Variants in ATP2C1 observed in about 807,000 individuals in gnomAD.
ATP2C1 encodes calcium-transporting ATPase type 2C member 1.
A neutral mutation model predicts 120.5 loss-of-function variants in ATP2C1; 31 were observed. The observed-to-expected ratio is 0.26, with a 90% CI of 0.19 to 0.35. The LOEUF (loss-of-function observed/expected upper bound fraction) is 0.35, where lower values mean the gene tolerates loss of function less well. Ranked by LOEUF, ATP2C1 falls within the 10% of genes least tolerant of loss-of-function variation. The pLI is 1.00. For missense variants in ATP2C1, 731 were observed against 1,107.5 expected, an observed-to-expected ratio of 0.66 and a Z score of 4.83; for synonymous variants, 351 against 358.7, an observed-to-expected ratio of 0.98 and a Z score of 0.24.
intron 1 of ATP2C1, among the ~76,000 whole-genome samples, chr3:130,874,251 T>A (rs1315196595): frequency 2.0e-5 from 3 of 152,202 alleles, no homozygotes; most frequent in East Asian, 3.8e-4. Context: ...TTAAAATATT[T>A]CTAATGAGTG....
intron 1 of ATP2C1, among the ~76,000 whole-genome samples, chr3:130,864,457 T>C (rs543093265): frequency 2.6e-4 from 40 of 152,286 alleles, no homozygotes; most frequent in African/African-American, 9.6e-4. Context: ...TGGGAAGAAA[T>C]TCAAGTTGGC....
intron 3 of ATP2C1, among the ~76,000 whole-genome samples, chr3:130,931,483 A>G (rs1576766785): frequency 2.0e-5 from 3 of 152,120 alleles, no homozygotes. Context: ...TGATAGGCCC[A>G]GAGAACAAGG....
intron 21 of ATP2C1, 90 bp downstream of exon 21, chr3:130,993,091 A>T: frequency 8.6e-7 from 1 of 1,158,602 alleles, no homozygotes. Flanking sequence ...GGAGTAGAGC[A>T]TCAAGGTCAG....
At chr3:130,881,360 TCCTCCC>T (rs1306149978) in intron 1 of ATP2C1, among the ~76,000 whole-genome samples, 1 of 136,408 alleles carries the variant, frequency 7.3e-6, no homozygotes, top group East Asian at 2.1e-4. Context: ...CTCCTCCTCC[TCCTCCC>T]CCTCCCCCTT....
intron 4 of ATP2C1, among the ~76,000 whole-genome samples, chr3:130,933,851 T>G (rs925733234): frequency 6.6e-6 from 1 of 152,200 alleles, no homozygotes; most frequent in Non-Finnish European, 1.5e-5. Context: ...GGTGGTGGCA[T>G]GTAACCTCAG....
At chr3:130,963,695 G>T in intron 12 of ATP2C1, 1 of 420,372 alleles carries the variant, frequency 2.4e-6, no homozygotes, top group Admixed American at 3.6e-5. Context: ...AGATTAGTAA[G>T]TAGCCCAGGA....
intron 1 of ATP2C1, among the ~76,000 whole-genome samples, chr3:130,879,657 CGTT>C (rs2068721007): frequency 6.6e-6 from 1 of 151,944 alleles, no homozygotes; most frequent in Admixed American, 6.6e-5. Flanking sequence ...CTGGTGTAAC[CGTT>C]GTTTTCTTCC....
chr3:131,014,760 A>AT (rs2063514065), intron 26 of ATP2C1, among the ~76,000 whole-genome samples: 1 of 152,204 alleles, frequency 6.6e-6, no homozygotes, highest in African/African-American at 2.4e-5. Flanking sequence ...ATTTATTGGC[A>AT]TCATTTGCAA....
At chr3:131,000,802 T>C (rs2062846095) in intron 27 of ATP2C1, among the ~76,000 whole-genome samples, 1 of 152,106 alleles carries the variant, frequency 6.6e-6, no homozygotes, top group South Asian at 2.1e-4. Flanking sequence ...TGTGAAACAA[T>C]GTGTTTGAAA....
chr3:130,925,289 C>G (rs1278277127), intron 2 of ATP2C1, among the ~76,000 whole-genome samples: 1 of 151,734 alleles, frequency 6.6e-6, no homozygotes, highest in East Asian at 1.9e-4. Context: ...GTGTTCTCCC[C>G]TTTCCCCTAG....
intron 1 of ATP2C1, among the ~76,000 whole-genome samples, chr3:130,865,517 A>T (rs852228): frequency 0.81 from 123,286 of 152,094 alleles, 52,312 homozygotes; most frequent in Non-Finnish European, 0.95. Context: ...ATGGTTTGAC[A>T]GTGTCCCCAC....
At chr3:130,852,240 C>G (rs1476779774) in intron 1 of ATP2C1, among the ~76,000 whole-genome samples, 6 of 152,144 alleles carry the variant, frequency 3.9e-5, no homozygotes, top group Non-Finnish European at 5.9e-5. Flanking sequence ...GTTTGCCAAT[C>G]TTTTAATGTT....
intron 1 of ATP2C1, among the ~76,000 whole-genome samples, chr3:130,876,414 T>C (rs1208824602): frequency 1.3e-5 from 2 of 152,176 alleles, no homozygotes; most frequent in Non-Finnish European, 2.9e-5. Context: ...CTTGTCTTCT[T>C]TTCTGAAAAT....
chr3:130,959,209 G>A (rs570528964), intron 11 of ATP2C1, 66 bp from the exon 12 acceptor site: 2 of 1,218,706 alleles, frequency 1.6e-6, no homozygotes, highest in East Asian at 4.8e-5. Flanking sequence ...GATTCCTTCA[G>A]CTTGTTCTGT....
At chr3:130,945,646 C>T (rs952442061) in intron 8 of ATP2C1, among the ~76,000 whole-genome samples, 3 of 151,612 alleles carry the variant, frequency 2.0e-5, no homozygotes, top group Non-Finnish European at 4.4e-5. Context: ...ATAGTTTGCT[C>T]AGAATGATGG....
intron 2 of ATP2C1, among the ~76,000 whole-genome samples, chr3:130,917,600 T>A (rs2058744352): frequency 3.3e-5 from 5 of 152,240 alleles, no homozygotes; most frequent in Admixed American, 3.3e-4. Flanking sequence ...AAAACACTAG[T>A]AAAACTTGGG....
intron 7 of ATP2C1, among the ~76,000 whole-genome samples, chr3:130,941,150 G>A (rs1393311184): frequency 6.6e-6 from 1 of 151,842 alleles, no homozygotes; most frequent in African/African-American, 2.4e-5. Flanking sequence ...TCCTGACCTC[G>A]TGATCTGCCC....
chr3:130,933,252 C>T (rs1467284733), intron 4 of ATP2C1, among the ~76,000 whole-genome samples: 4 of 117,444 alleles, frequency 3.4e-5, no homozygotes, highest in South Asian at 5.6e-4. Context: ...ATCGTAATCA[C>T]AAAGCACTGG....
intron 8 of ATP2C1, among the ~76,000 whole-genome samples, chr3:130,945,609 T>C (rs374104201): frequency 1.4e-5 from 2 of 147,188 alleles, no homozygotes; most frequent in African/African-American, 5.0e-5. Flanking sequence ...AGTGAGAACA[T>C]GTGGTGTTTG....
Sources: gnomAD v4.1 joint callset for allele counts (sites outside exome capture counted in the v4.1 genomes callset) on GRCh38, gnomAD v4.1.1 for gene constraint, MANE v1.5 for transcripts, NCBI Gene and HGNC (gene_info 2026-07-23, HGNC 2026-07-21) for gene names.